ERC2: variants seen among roughly 807,000 people sequenced by gnomAD.
ERC2 encodes the protein ERC protein 2.
Under a neutral mutation model 114.8 loss-of-function variants are expected in ERC2, and 42 were observed. The ratio of observed to expected loss-of-function variants is 0.37; its 90% confidence interval spans 0.29 to 0.47. ERC2 has a LOEUF of 0.47. Among genes scored for constraint, ERC2 ranks in the 20% least tolerant of loss-of-function variants. ERC2 has a pLI of 0.99. For missense variants in ERC2, 939 were observed against 1,150.7 expected, an observed-to-expected ratio of 0.82 and a Z score of 2.66; for synonymous variants, 454 against 425.5, an observed-to-expected ratio of 1.07 and a Z score of -0.82.
At chr3:56,437,376 C>A (rs961256214) in intron 1 of ERC2, among the ~76,000 whole-genome samples, 2 of 152,236 alleles carry the variant, frequency 1.3e-5, no homozygotes, top group East Asian at 3.8e-4. Context: ...AAACACCACA[C>A]TTATGCACTT....
intron 15 of ERC2, among the ~76,000 whole-genome samples, chr3:55,708,976 G>A (rs890612772): frequency 1.3e-5 from 2 of 151,972 alleles, no homozygotes; most frequent in African/African-American, 4.8e-5. Flanking sequence ...ATTGAGATTC[G>A]GACTCTAGAA....
At chr3:55,759,462 TAAAAAAAAAAAAAAAAAAAAAAA>T (rs540204065) in intron 14 of ERC2, among the ~76,000 whole-genome samples, 26 of 36,076 alleles carry the variant, frequency 7.2e-4, no homozygotes, top group African/African-American at 2.1e-3. Flanking sequence ...TCTCTTTCAT[TAAAAAAAAAAAAAAAAAAAAAAA>T]AAAAAAAAAA....
intron 3 of ERC2, among the ~76,000 whole-genome samples, chr3:56,243,729 G>C (rs2051479484): frequency 6.6e-6 from 1 of 152,164 alleles, no homozygotes; most frequent in Admixed American, 6.5e-5. Flanking sequence ...CACAAAGATA[G>C]ACAGGTGCAG....
intron 14 of ERC2, among the ~76,000 whole-genome samples, chr3:55,781,311 G>T (rs2069022390): frequency 6.6e-6 from 1 of 152,138 alleles, no homozygotes; most frequent in African/African-American, 2.4e-5. Flanking sequence ...AACAAGCACT[G>T]GGATGGGAAT....
chr3:56,116,058 C>T (rs2079215454), intron 6 of ERC2, among the ~76,000 whole-genome samples: 1 of 152,202 alleles, frequency 6.6e-6, no homozygotes, highest in Non-Finnish European at 1.5e-5. Context: ...TCTCCTCCCT[C>T]TCTCTGCCTC....
chr3:55,903,911 A>C (rs1402258977), intron 13 of ERC2, among the ~76,000 whole-genome samples: 1 of 152,230 alleles, frequency 6.6e-6, no homozygotes, highest in East Asian at 1.9e-4. Context: ...TCACACACAC[A>C]TCCACTCTTT....
At position 55,583,386 on chromosome 3, in the gene ERC2, CTTT is replaced by C. The variant is rs1559692041; in HGVS notation, c.*40-72113_*40-72111del. Among the ~76,000 whole-genome samples the C allele has an allele frequency of 1.7e-3, 217 of 130,252 alleles. 6 individuals are homozygous for C. The highest frequency in any genetic ancestry group is 5.3e-3 in the African/African-American group (142 of 26,826). The allele number at this position is 130,252 out of a possible 152,430, so 85.5% of individuals were successfully genotyped here. ...GCCTGCCTGCCTTCTTTCCTTCTTTCTTTCCTTCCTTCTTTCCTTCCTTCCTTC... is the reference window on the plus strand; with the variant it reads ...GCCTGCCTGCCTTCTTTCCTTCTTTCCCTTCCTTCTTTCCTTCCTTCCTTC... On this transcript the variant is annotated intron_variant, in intron 17 of 17. Transcript: ENST00000288221.
intron 3 of ERC2, among the ~76,000 whole-genome samples, chr3:56,176,402 G>A (rs1394507708): frequency 1.3e-5 from 2 of 151,924 alleles, no homozygotes; most frequent in African/African-American, 4.8e-5. Flanking sequence ...CATTGTCAAG[G>A]GTAAACATGC....
At position 56,226,413 on chromosome 3, in the gene ERC2, G is replaced by A. The variant is rs192793175; in HGVS notation, c.1075-52893C>T. On this transcript the variant is annotated intron_variant, in intron 3 of 17. Coordinates refer to ENST00000288221, the MANE Select transcript of ERC2 (RefSeq NM_015576.3). ...TAGTTGTACAAAATTAAAAGTGCAC[G>A]AAAAGTGGTTATTAAAAGACAGGGA... Among the ~76,000 whole-genome samples the A allele has an allele frequency of 1.7e-4, 26 of 152,234 alleles. No individual in the cohort carries two copies. In the South Asian group the frequency reaches 2.3e-3, roughly 13 times the overall value.
At chr3:55,891,896 G>C (rs1051265428) in intron 13 of ERC2, among the ~76,000 whole-genome samples, 1 of 152,104 alleles carries the variant, frequency 6.6e-6, no homozygotes. Flanking sequence ...CTTAATGTGT[G>C]GTTTGCACAG....
intron 17 of ERC2, among the ~76,000 whole-genome samples, chr3:55,644,496 T>C (rs1055821777): frequency 5.9e-5 from 9 of 152,298 alleles, no homozygotes; most frequent in African/African-American, 2.2e-4. Flanking sequence ...GCAAGTCACC[T>C]AACTTTACTC....
chr3:55,957,565 G>C (rs1436234909), intron 12 of ERC2, among the ~76,000 whole-genome samples: 2 of 152,196 alleles, frequency 1.3e-5, no homozygotes, highest in African/African-American at 4.8e-5. Context: ...CAAGCAAAGT[G>C]GGTTCGTTCA....
chr3:56,213,768 T>C (rs2049248905), intron 3 of ERC2, among the ~76,000 whole-genome samples: 1 of 152,084 alleles, frequency 6.6e-6, no homozygotes, highest in African/African-American at 2.4e-5. Context: ...CACCCCCCAG[T>C]AGGGGCAGAC....
intron 7 of ERC2, among the ~76,000 whole-genome samples, chr3:56,078,468 T>G (rs1241034715): frequency 6.6e-6 from 1 of 152,164 alleles, no homozygotes; most frequent in Non-Finnish European, 1.5e-5. Flanking sequence ...TAAGAAAGAT[T>G]ACAGAACTCA....
intron 17 of ERC2, among the ~76,000 whole-genome samples, chr3:55,576,309 CAA>C (rs112669253): frequency 1.3e-4 from 15 of 117,574 alleles, no homozygotes; most frequent in Non-Finnish European, 1.1e-4. Context: ...GACTCCATCT[CAA>C]AAAAAAAAAA....
chr3:55,988,605 C>G (rs1289294565), intron 11 of ERC2, among the ~76,000 whole-genome samples: 3 of 152,148 alleles, frequency 2.0e-5, no homozygotes, highest in Non-Finnish European at 4.4e-5. Flanking sequence ...TATTCCTAAC[C>G]CTGTACCTTT....
intron 1 of ERC2, among the ~76,000 whole-genome samples, chr3:56,455,545 C>G (rs187609409): frequency 6.6e-6 from 1 of 152,134 alleles, no homozygotes; most frequent in East Asian, 1.9e-4. Flanking sequence ...ACTAAGACAC[C>G]AAGGCAAGTT....
chr3:56,031,420 C>A lies in ERC2; in HGVS notation c.1642-12389G>T, dbSNP rs1048360198. Among the ~76,000 whole-genome samples the A allele has an allele frequency of 2.0e-5, 3 of 152,224 alleles. No individual in the cohort carries two copies. The East Asian group carries it at 5.8e-4, about 29-fold the overall frequency. ...GCAACCAGGTACCAGGCCAGCCAGC[C>A]CAAGGACTCTAGCAGCAAACCTGCC... On this transcript the variant is annotated intron_variant, in intron 7 of 17. Coordinates refer to ENST00000288221, the MANE Select transcript of ERC2 (RefSeq NM_015576.3).
chr3:55,601,604 C>G (rs1456229825), intron 17 of ERC2, among the ~76,000 whole-genome samples: 1 of 152,170 alleles, frequency 6.6e-6, no homozygotes, highest in Non-Finnish European at 1.5e-5. Flanking sequence ...AGAGCTCTGC[C>G]CCTCTGAAGA....
Sources: gnomAD v4.1 joint callset for allele counts (sites outside exome capture counted in the v4.1 genomes callset) on GRCh38, gnomAD v4.1.1 for gene constraint, MANE v1.5 for transcripts, NCBI Gene and HGNC (gene_info 2026-07-23, HGNC 2026-07-21) for gene names.